The following PABIR3 variants were observed in gnomAD, a reference collection of about 807,000 sequenced individuals.
PABIR3 encodes PABIR family member 1.
Under a neutral mutation model 23.1 loss-of-function variants are expected in PABIR3, and 20 were observed. The ratio of observed to expected loss-of-function variants is 0.86; its 90% CI spans 0.61 to 1.26. The LOEUF (loss-of-function observed/expected upper bound fraction) is 1.26. PABIR3 is among the 50% of genes most tolerant of loss of function. The pLI, the probability that PABIR3 is intolerant of heterozygous loss-of-function variation, is 0.00. For missense variants in PABIR3, 189 were observed against 195.4 expected (o/e 0.97, Z 0.20); for synonymous variants, 69 against 68.5 (o/e 1.01, Z -0.04).
upstream of PABIR3, among the ~76,000 whole-genome samples, chrX:134,804,617 C>T (rs1412355152): frequency 2.7e-5 from 3 of 112,327 alleles, no homozygotes; most frequent in Non-Finnish European, 5.6e-5. Flanking sequence ...AAATTAGATA[C>T]TTGTAATGCT....
At chrX:134,862,489 T>C in the PABIR3 span, among the ~76,000 whole-genome samples, 7 of 111,701 alleles carry the variant, frequency 6.3e-5, no homozygotes, top group Non-Finnish European at 1.1e-4. Flanking sequence ...CTATATATGT[T>C]ATGTAGATAT....
intron 1 of PABIR3, among the ~76,000 whole-genome samples, chrX:134,797,810 A>AT (rs200169266): frequency 0.017 from 1,490 of 88,059 alleles, 22 homozygotes; most frequent in African/African-American, 0.045. Flanking sequence ...TGAGATCTGG[A>AT]TTTTTTTTTT....
rs1042203224 is a variant in PABIR3 at position 134,822,812 on chromosome X, G to A, written c.190-6414G>A. 12 of 198,864 alleles carry A rather than the reference G, an allele frequency of 6.0e-5. 1 individual carries two copies. The highest frequency in any genetic ancestry group is 3.1e-4 in the African/African-American group (10 of 32,131). 16.4% of individuals were successfully genotyped at this position (198,864 alleles called of 1,213,427 possible). ...AGGGAAGCAGAAAAGATAACTATTAGGTACTGGGCTTACTACCTGGGTGAT... is the reference window on the plus strand; with the variant it reads ...AGGGAAGCAGAAAAGATAACTATTAAGTACTGGGCTTACTACCTGGGTGAT... On this transcript the variant is annotated intron_variant, in intron 3 of 10. Transcript: ENST00000645433.
intron 3 of PABIR3, among the ~76,000 whole-genome samples, chrX:134,820,796 G>A (rs2081232566): frequency 9.1e-6 from 1 of 109,876 alleles, no homozygotes; most frequent in Admixed American, 1.0e-4. Context: ...CGAGGCAGGC[G>A]GATTACTTGA....
At chrX:134,858,240 C>G (rs943610940), downstream of PABIR3, among the ~76,000 whole-genome samples, 3 of 111,617 alleles carry the variant, frequency 2.7e-5, no homozygotes, top group Non-Finnish European at 5.6e-5. Context: ...CAAGACAGTT[C>G]ATTGTATTGT....
At chrX:134,834,047 T>A (rs1034233462) in intron 4 of PABIR3, 2 of 112,199 alleles carry the variant, frequency 1.8e-5, no homozygotes, top group Admixed American at 1.9e-4. Context: ...ATGGGATTTC[T>A]GGGTCAAATG....
At chrX:134,814,914 C>A in intron 3 of PABIR3, 65 bp downstream of exon 3, 1 of 859,479 alleles carries the variant, frequency 1.2e-6, no homozygotes, top group South Asian at 2.9e-5. Context: ...AACCAATGGT[C>A]TTCAAACTTG....
chrX:134,839,901 C>T (rs1321015435), intron 4 of PABIR3, among the ~76,000 whole-genome samples: 4 of 111,804 alleles, frequency 3.6e-5, no homozygotes, highest in Admixed American at 9.4e-5. Context: ...ATGACAATGG[C>T]GGTTTTGTGG....
chrX:134,807,071 A>T (rs1343654866), upstream of PABIR3: 4 of 567,220 alleles, frequency 7.1e-6, no homozygotes, highest in African/African-American at 2.5e-5. Context: ...GGACATGGGG[A>T]TAAAGCGGTT....
intron 4 of PABIR3, among the ~76,000 whole-genome samples, chrX:134,839,925 G>T (rs2082162036): frequency 8.9e-6 from 1 of 112,958 alleles, no homozygotes; most frequent in Admixed American, 9.3e-5. Context: ...AGAAAGGGGG[G>T]AAAGGTGGGG....
At chrX:134,820,681 T>G (rs1223592598) in intron 3 of PABIR3, among the ~76,000 whole-genome samples, 1 of 111,693 alleles carries the variant, frequency 9.0e-6, no homozygotes, top group Non-Finnish European at 1.9e-5. Flanking sequence ...GTTAGTGTAT[T>G]TTACCACAAT....
At chrX:134,827,056 GTTCAAGTGATTC>G in intron 3 of PABIR3, among the ~76,000 whole-genome samples, 1 of 111,472 alleles carries the variant, frequency 9.0e-6, no homozygotes, top group South Asian at 3.7e-4. Context: ...TGCCTCCCAG[GTTCAAGTGATTC>G]TTCTGCCTCA....
chrX:134,806,968 C>A (rs1012478245), upstream of PABIR3, among the ~76,000 whole-genome samples: 3 of 111,165 alleles, frequency 2.7e-5, no homozygotes, highest in African/African-American at 9.8e-5. Flanking sequence ...GCTTTCATTT[C>A]TAAATAATGC....
chrX:134,850,467 G>A lies in PABIR3; in HGVS notation c.589+1239G>A, dbSNP rs1271170879. Among the ~76,000 whole-genome samples the A allele has an allele frequency of 3.6e-5, 4 of 111,491 alleles. No individual in the cohort carries two copies. The East Asian group carries it at 8.4e-4, about 23-fold the overall frequency. Reference sequence around the variant, plus strand: ...GCACATTGTTTTATGAAGATGCTTCGGTTACTAAGCTTAGGGGTCTTTTAC... The same window carrying A: ...GCACATTGTTTTATGAAGATGCTTCAGTTACTAAGCTTAGGGGTCTTTTAC... On this transcript the variant is annotated intron_variant, in intron 9 of 10. Coordinates refer to ENST00000645433, the MANE Select transcript of PABIR3 (RefSeq NM_001388447.1).
chrX:134,846,164 G>C (rs1188851434), intron 6 of PABIR3, among the ~76,000 whole-genome samples: 2 of 111,540 alleles, frequency 1.8e-5, no homozygotes, highest in Non-Finnish European at 3.8e-5. Context: ...GGAAATTCCA[G>C]ATGCTTATAA....
chrX:134,800,772 G>C (rs1181795431), intron 1 of PABIR3, among the ~76,000 whole-genome samples: 1 of 112,090 alleles, frequency 8.9e-6, no homozygotes, highest in Non-Finnish European at 1.9e-5. Flanking sequence ...CCTTGCGACA[G>C]AGCGAGACTC....
At chrX:134,853,198 G>A (rs746306786) in intron 10 of PABIR3, among the ~76,000 whole-genome samples, 17 of 111,092 alleles carry the variant, frequency 1.5e-4, no homozygotes, top group African/African-American at 2.6e-4. Context: ...CTGAGTAGCT[G>A]GGACCACAGT....
intron 1 of PABIR3, among the ~76,000 whole-genome samples, chrX:134,801,240 A>T (rs778044595): frequency 1.8e-5 from 2 of 112,623 alleles, no homozygotes; most frequent in South Asian, 7.3e-4. Context: ...TCCAATAGTG[A>T]CTCAATCTAA....
intron 4 of PABIR3, among the ~76,000 whole-genome samples, chrX:134,829,833 C>T (rs1009922475): frequency 4.5e-5 from 5 of 111,936 alleles, no homozygotes; most frequent in African/African-American, 1.6e-4. Flanking sequence ...TGCTTAATAG[C>T]ACAAGCATAA....
Sources: gnomAD v4.1 joint callset for allele counts (sites outside exome capture counted in the v4.1 genomes callset) on GRCh38, gnomAD v4.1.1 for gene constraint, MANE v1.5 for transcripts, NCBI Gene and HGNC (gene_info 2026-07-23, HGNC 2026-07-21) for gene names.